PTPRN2: variants seen among roughly 807,000 people sequenced by gnomAD.
PTPRN2 encodes receptor-type tyrosine-protein phosphatase N2.
Under a neutral mutation model 118.8 loss-of-function variants are expected in PTPRN2, and 74 were observed. The observed-to-expected ratio is 0.62, with a 90% confidence interval of 0.52 to 0.76. The LOEUF is 0.76. Among genes scored for constraint, PTPRN2 ranks in the 30% least tolerant of loss-of-function variants. The pLI, the probability that PTPRN2 is intolerant of heterozygous loss-of-function variation, is 0.00. For synonymous variants in PTPRN2, 641 were observed against 608.0 expected (o/e 1.05, Z -0.80); for missense variants, 1,481 against 1,394.4 (o/e 1.06, Z -0.99).
chr7:158,139,636 C>A (rs985913364), intron 6 of PTPRN2, among the ~76,000 whole-genome samples: 1 of 151,970 alleles, frequency 6.6e-6, no homozygotes, highest in African/African-American at 2.4e-5. Flanking sequence ...ATGACTTCAG[C>A]TGAGCTACTG....
At chr7:158,341,118 C>CAG in intron 2 of PTPRN2, among the ~76,000 whole-genome samples, 1 of 11,574 alleles carries the variant, frequency 8.6e-5, no homozygotes, top group African/African-American at 2.3e-4. Flanking sequence ...CTCACACCCA[C>CAG]ACGTCACTCA....
rs182297004 is a variant in PTPRN2 at position 157,550,128 on chromosome 7, C to T, written c.2903-1109G>A. Among the ~76,000 whole-genome samples the T allele has an allele frequency of 1.3e-5, 2 of 152,228 alleles. No individual in the cohort carries two copies. Among genetic ancestry groups the T allele is most frequent in the Non-Finnish European group, 2.9e-5 (2 of 68,042 alleles). ...TCTCCGGCCGCAACCTGAGTGCACA[C>T]CACATTCCTCGCCCAGCGAATCAGG... On this transcript the variant is annotated intron_variant, in intron 21 of 22. Transcript: ENST00000389418. The surrounding 1 kb of genome is among the most constrained non-coding windows in gnomAD (Gnocchi z 5.2).
At chr7:158,164,104 C>G (rs1160023496) in intron 6 of PTPRN2, among the ~76,000 whole-genome samples, 2 of 151,766 alleles carry the variant, frequency 1.3e-5, no homozygotes, top group Middle Eastern at 3.4e-3. Flanking sequence ...GTGGAGAGAG[C>G]ACGGTCAGGA....
intron 11 of PTPRN2, among the ~76,000 whole-genome samples, chr7:157,962,409 A>C (rs1320154941): frequency 6.6e-6 from 1 of 152,174 alleles, no homozygotes; most frequent in Non-Finnish European, 1.5e-5. Context: ...ACTTTAATGC[A>C]TATGTTCAGA....
intron 6 of PTPRN2, among the ~76,000 whole-genome samples, chr7:158,145,526 T>C (rs373044346): frequency 6.6e-6 from 1 of 152,174 alleles, no homozygotes; most frequent in African/African-American, 2.4e-5. Flanking sequence ...TGAGGCTCCA[T>C]GGTGGACCAG....
chr7:158,148,949 C>T (rs1820534568), intron 6 of PTPRN2, among the ~76,000 whole-genome samples: 1 of 120,584 alleles, frequency 8.3e-6, no homozygotes, highest in Admixed American at 7.8e-5. Flanking sequence ...CATCTCACGC[C>T]ACGTGTCTTT....
At chr7:158,063,167 TACA>T (rs1200764080) in intron 11 of PTPRN2, among the ~76,000 whole-genome samples, 18 of 152,126 alleles carry the variant, frequency 1.2e-4, no homozygotes, top group African/African-American at 3.4e-4. Context: ...GGTTTGTAAA[TACA>T]ACATTTAGTG....
In PTPRN2 at chr7:157,632,399, A is replaced by G. The variant is rs1485096184; in HGVS notation, c.2197-10890T>C. On this transcript the variant is annotated intron_variant, in intron 14 of 22. Transcript: ENST00000389418. This position sits in a 1 kb window ranked among gnomAD's most constrained non-coding sequence, Gnocchi z 4.3. ...GACAATTTGATAAAGACTTAACAAC[A>G]AAAACCCCAATGGAAGATGTTAATA... 2.0e-5 allele frequency among the ~76,000 whole-genome samples: 3 copies of G among 152,248 alleles called. No individual in the cohort carries two copies. Among genetic ancestry groups the G allele is most frequent in the Non-Finnish European group, 4.4e-5 (3 of 68,034 alleles).
At chr7:158,080,619 T>C (rs955384852) in intron 11 of PTPRN2, among the ~76,000 whole-genome samples, 101 of 151,096 alleles carry the variant, frequency 6.7e-4, no homozygotes, top group Non-Finnish European at 6.8e-4. Flanking sequence ...AATGCAACAT[T>C]GTGTCCACCA....
chr7:158,510,431 G>A (rs1418393529), intron 1 of PTPRN2, among the ~76,000 whole-genome samples: 1 of 129,076 alleles, frequency 7.7e-6, no homozygotes, highest in Non-Finnish European at 1.6e-5. Context: ...TTCACACTAA[G>A]TGTGTGTGTT....
At chr7:158,240,515 G>A (rs1420606211) in intron 3 of PTPRN2, among the ~76,000 whole-genome samples, 1 of 152,146 alleles carries the variant, frequency 6.6e-6, no homozygotes, top group East Asian at 1.9e-4. Context: ...TGCAACCACT[G>A]CCTCCTGGGG....
intron 2 of PTPRN2, among the ~76,000 whole-genome samples, chr7:158,364,146 G>A (rs1237845365): frequency 2.6e-5 from 4 of 150,970 alleles, no homozygotes; most frequent in Non-Finnish European, 5.9e-5. Context: ...GGTCTGCAGA[G>A]CCCCCATCCT....
Position 157,868,350 on chromosome 7 carries a change from T to C in PTPRN2, c.1788+30323A>G, listed in dbSNP as rs531224796. Among the ~76,000 whole-genome samples, 1 of 152,202 alleles carries C rather than the reference T, an allele frequency of 6.6e-6. No homozygotes were observed. Among genetic ancestry groups the C allele is most frequent in the Admixed American group, 6.5e-5 (1 of 15,284 alleles). On this transcript the variant is annotated intron_variant, in intron 12 of 22. Transcript: ENST00000389418. The surrounding 1 kb of genome is among the most constrained non-coding windows in gnomAD (Gnocchi z 5.2). The stretch of plus-strand genomic sequence containing the variant: ...CCTGTCTGAGCTTGTTTCCATCATC[T>C]CCACGATGAACGTAGGACACCAGGA...
At chr7:158,481,415 C>T (rs187974159) in intron 2 of PTPRN2, among the ~76,000 whole-genome samples, 21 of 152,358 alleles carry the variant, frequency 1.4e-4, no homozygotes, top group African/African-American at 4.6e-4. Flanking sequence ...CCTGCTGACA[C>T]CTCGTCCATT....
At chr7:157,857,162 G>A (rs902639601) in intron 12 of PTPRN2, 1 of 148,708 alleles carries the variant, frequency 6.7e-6, no homozygotes, top group African/African-American at 2.5e-5. Context: ...GATGGGGAGG[G>A]AGGGGGACGC....
chr7:158,121,350 G>C lies in PTPRN2; in HGVS notation c.1557-10435C>G, dbSNP rs186272522. 2.1e-3 allele frequency among the ~76,000 whole-genome samples: 320 copies of C among 152,296 alleles called. 1 individual carries two copies. The highest frequency in any genetic ancestry group is 7.3e-3 in the African/African-American group (304 of 41,564). ...TTCCCTAAAACTCCCTGTGTGCTTT[G>C]ATCAGCACCACTCAGCTCATGACTT... On this transcript the variant is annotated intron_variant, in intron 9 of 22. Transcript: ENST00000389418.
At chr7:158,333,373 C>G (rs62480899) in intron 2 of PTPRN2, among the ~76,000 whole-genome samples, 17 of 84,854 alleles carry the variant, frequency 2.0e-4, no homozygotes, top group South Asian at 1.1e-3. Context: ...CACACCCACA[C>G]TCGCACCATA....
chr7:157,992,671 C>T (rs1804338052), intron 11 of PTPRN2, among the ~76,000 whole-genome samples: 1 of 152,182 alleles, frequency 6.6e-6, no homozygotes, highest in Non-Finnish European at 1.5e-5. Flanking sequence ...TTGGGGTGGC[C>T]CAACAGAGAG....
intron 12 of PTPRN2, among the ~76,000 whole-genome samples, chr7:157,772,326 C>T (rs796526455): frequency 7.0e-5 from 9 of 128,312 alleles, no homozygotes; most frequent in East Asian, 6.3e-4. Flanking sequence ...GACACAGACA[C>T]ACACATACAC....
Sources: allele counts gnomAD v4.1 joint callset (sites outside exome capture counted in the v4.1 genomes callset), GRCh38; gene constraint gnomAD v4.1.1; non-coding constraint Gnocchi (gnomAD v3.1); transcripts MANE v1.5; gene names NCBI Gene and HGNC (gene_info 2026-07-23, HGNC 2026-07-21).